Variants in QSOX2 observed in about 807,000 individuals in gnomAD.
QSOX2 encodes sulfhydryl oxidase 2.
A neutral mutation model predicts 61.7 loss-of-function variants in QSOX2; 46 were observed. The observed-to-expected ratio is 0.75, with a 90% CI of 0.59 to 0.95. The LOEUF (loss-of-function observed/expected upper bound fraction) is 0.95, where lower values mean the gene tolerates loss of function less well. QSOX2 is among the 40% of genes least tolerant of loss of function. QSOX2 has a pLI of 0.00. For synonymous variants in QSOX2, 383 were observed against 388.4 expected, an observed-to-expected ratio of 0.99 and a Z score of 0.16; for missense variants, 879 against 918.9, an observed-to-expected ratio of 0.96 and a Z score of 0.56.
At chr9:136,236,712 T>A (rs1406830618) in intron 1 of QSOX2, among the ~76,000 whole-genome samples, 1 of 151,572 alleles carries the variant, frequency 6.6e-6, no homozygotes, top group Non-Finnish European at 1.5e-5. Context: ...TGTGCCTGCG[T>A]CACGTGGAGC....
In QSOX2 at chr9:136,209,166, G is replaced by A. The variant is rs750002781; in HGVS notation, c.1659C>T (p.His553=). ...AGTGCTGCTTCAAGAATGTGAGCAC[G>A]TGGCCTTCATCCCAGCTGGCCAGGC... ...IKGLASWDEG[H]VLTFLKQHYG... Residue 553 remains histidine, a synonymous_variant, in exon 12 of 12, where the codon CAC becomes CAT. Coordinates refer to ENST00000358701, the MANE Select transcript of QSOX2 (RefSeq NM_181701.4). The surrounding 1 kb of genome is among the most constrained non-coding windows in gnomAD (Gnocchi z 5.6). 8.1e-6 allele frequency: 13 copies of A among 1,614,096 alleles called. No individual in the cohort carries two copies. The highest frequency in any genetic ancestry group is 8.0e-5 in the African/African-American group (6 of 74,940).
Position 136,223,868 on chromosome 9 carries a change from A to C in QSOX2, c.585-15T>G, listed in dbSNP as rs1010751495. 6.2e-7 allele frequency: 1 copy of C among 1,613,556 alleles called. No individual in the cohort carries two copies. Among genetic ancestry groups the C allele is most frequent in the African/African-American group, 1.3e-5 (1 of 75,010 alleles). The stretch of plus-strand genomic sequence containing the variant: ...CATCACTGGGCCTTTCAAGAGGAAA[A>C]AAAGAGGCTTTTAGTGCCGTCAACA... On this transcript the variant is annotated splice_polypyrimidine_tract_variant and intron_variant, in intron 4 of 11. Coordinates refer to ENST00000358701, the MANE Select transcript of QSOX2 (RefSeq NM_181701.4). This position sits in a 1 kb window ranked among gnomAD's most constrained non-coding sequence, Gnocchi z 4.4.
chr9:136,229,003 G>C (rs1830307035), intron 1 of QSOX2, among the ~76,000 whole-genome samples: 1 of 152,200 alleles, frequency 6.6e-6, no homozygotes, highest in Non-Finnish European at 1.5e-5. Flanking sequence ...GAAGGCTTGT[G>C]TGTGTTAGCG....
At chr9:136,213,981 C>CT (rs1352576320) in intron 10 of QSOX2, among the ~76,000 whole-genome samples, 1 of 152,176 alleles carries the variant, frequency 6.6e-6, no homozygotes, top group Non-Finnish European at 1.5e-5. Flanking sequence ...GTGGTGGCTG[C>CT]TTTAAGCCCC....
Position 136,210,754 on chromosome 9 carries a change from G to A in QSOX2, c.1549+510C>T, listed in dbSNP as rs956332721. The A allele has an allele frequency of 3.0e-6, 3 of 985,152 alleles. No homozygotes were observed. In the African/African-American group the frequency reaches 5.2e-5, roughly 17 times the overall value. The allele number at this position is 985,152 out of a possible 1,614,324, so 61.0% of individuals were successfully genotyped here. ...GATTTCTCAGTGGAATTATTTTTAA[G>A]CCTAATTTTAATCTGCCACTGATTT... is the stretch of plus-strand genomic sequence containing the variant. On this transcript the variant is annotated intron_variant, in intron 11 of 11. Transcript: ENST00000358701.
chr9:136,242,612 C>T (rs1279438602), intron 1 of QSOX2, among the ~76,000 whole-genome samples: 1 of 152,266 alleles, frequency 6.6e-6, no homozygotes, highest in African/African-American at 2.4e-5. Flanking sequence ...TGCACTGCCA[C>T]GGGCAATGGG....
intron 1 of QSOX2, among the ~76,000 whole-genome samples, chr9:136,237,975 G>A (rs1039103973): frequency 2.1e-4 from 32 of 152,344 alleles, no homozygotes; most frequent in African/African-American, 7.5e-4. Context: ...ACTGTCCTAT[G>A]GGGCAAGAAA....
chr9:136,209,118 G>A lies in QSOX2; in HGVS notation c.1707C>T (p.Asp569=), dbSNP rs769057569. 3.1e-6 allele frequency: 5 copies of A among 1,614,070 alleles called. No homozygotes were observed. In the African/African-American group the frequency reaches 4.0e-5, roughly 13 times the overall value. ...AATCCCCCTGGTCTGCGGAATACGT[G>A]TCTAAGAGGTTGTCGCGGCCATAGT... ...KQHYGRDNLL[D]TYSADQGDSS... Residue 569 remains aspartate (D), a synonymous_variant, in exon 12 of 12, where the codon GAC becomes GAT. Coordinates refer to ENST00000358701, the MANE Select transcript of QSOX2 (RefSeq NM_181701.4). This position sits in a 1 kb window ranked among gnomAD's most constrained non-coding sequence, Gnocchi z 5.6.
rs1407414502 is a variant in QSOX2, at chr9:136,209,789, A to T, written c.1550-514T>A. On this transcript the variant is annotated intron_variant, in intron 11 of 11. Coordinates refer to ENST00000358701, the MANE Select transcript of QSOX2 (RefSeq NM_181701.4). This position sits in a 1 kb window ranked among gnomAD's most constrained non-coding sequence, Gnocchi z 5.6. Reference sequence around the variant, plus strand: ...CTTCAGGAAAGGGCAGAGGGGCAGCAATGAATTTCCACTGCACTTCAGGTA... The same window carrying T: ...CTTCAGGAAAGGGCAGAGGGGCAGCTATGAATTTCCACTGCACTTCAGGTA... 1.0e-6 allele frequency: 1 copy of T among 985,196 alleles called. No homozygotes were observed. Among genetic ancestry groups the T allele is most frequent in the Non-Finnish European group, 1.2e-6 (1 of 829,862 alleles). The allele number at this position is 985,196 out of a possible 1,614,324, so 61.0% of individuals were successfully genotyped here. A position where few individuals can be genotyped will look rare whatever the true frequency, so the allele number is the denominator to read the frequency against.
rs1157859685 is a variant in QSOX2 at position 136,221,499 on chromosome 9, C to G, written c.821+297G>C. On this transcript the variant is annotated intron_variant, in intron 6 of 11. Coordinates refer to ENST00000358701, the MANE Select transcript of QSOX2 (RefSeq NM_181701.4). This position sits in a 1 kb window ranked among gnomAD's most constrained non-coding sequence, Gnocchi z 4.5. ...GGCTGCTCCCAAAGCCCCGGCCCAGCAGCCCTCATGCATGTGCTGGTTTAG... is the reference window on the plus strand; with the variant it reads ...GGCTGCTCCCAAAGCCCCGGCCCAGGAGCCCTCATGCATGTGCTGGTTTAG... Among the ~76,000 whole-genome samples, 1 of 152,254 alleles carries G rather than the reference C, an allele frequency of 6.6e-6. No homozygotes were observed. The highest frequency in any genetic ancestry group is 1.5e-5 in the Non-Finnish European group (1 of 68,048).
At chr9:136,241,404 C>T (rs1393003403) in intron 1 of QSOX2, among the ~76,000 whole-genome samples, 1 of 152,204 alleles carries the variant, frequency 6.6e-6, no homozygotes, top group Non-Finnish European at 1.5e-5. Flanking sequence ...GTGGGGAACA[C>T]CAAGTTCTAA....
chr9:136,235,128 G>A (rs1564297144), intron 1 of QSOX2, among the ~76,000 whole-genome samples: 1 of 152,252 alleles, frequency 6.6e-6, no homozygotes, highest in East Asian at 1.9e-4. Flanking sequence ...ATTGGGGCAA[G>A]TAACAATCTC....
intron 1 of QSOX2, 92 bp downstream of exon 1, chr9:136,245,384 C>A: frequency 1.8e-6 from 2 of 1,085,234 alleles, no homozygotes; most frequent in South Asian, 1.5e-5. Flanking sequence ...GGGGGAGGGG[C>A]CCCGGGACCC....
intron 2 of QSOX2, among the ~76,000 whole-genome samples, chr9:136,225,301 G>A (rs1398453923): frequency 2.6e-5 from 4 of 152,234 alleles, no homozygotes; most frequent in East Asian, 3.8e-4. Flanking sequence ...GAGACACCAC[G>A]CAGTATCTCT....
intron 3 of QSOX2, 49 bp downstream of exon 3, chr9:136,224,812 G>A (rs756954328): frequency 2.1e-5 from 29 of 1,367,912 alleles, no homozygotes; most frequent in Non-Finnish European, 2.8e-5. Context: ...TCTTTAGCAG[G>A]TTTATGAGGG....
chr9:136,219,522 C>T (rs540147065), intron 6 of QSOX2, among the ~76,000 whole-genome samples: 26 of 152,312 alleles, frequency 1.7e-4, no homozygotes, highest in African/African-American at 6.0e-4. Context: ...CCTTCACCGA[C>T]GCGCCCACAA....
rs751749579 is a variant in QSOX2 at position 136,224,025 on chromosome 9, G to A, written c.566C>T (p.Pro189Leu). 11 of 1,613,764 alleles carry A rather than the reference G, an allele frequency of 6.8e-6. No individual in the cohort carries two copies. Among genetic ancestry groups the A allele is most frequent in the Middle Eastern group, 1.6e-4 (1 of 6,082 alleles). The part of the protein sequence containing the change: ...HTEGSRPPAC[P>L]RLDPIQPSDV... ...TACTCACTGAATGGGGTCTAGGCGC[G>A]GGCAGGCAGGGGGCCGGCTTCCTTC... Residue 189 changes from proline to leucine, a missense_variant, in exon 4 of 12, where the codon CCG (proline) becomes CTG (leucine). Physicochemically the swap from Pro to Leu is moderately conservative, Grantham distance 98. Coordinates refer to ENST00000358701, the MANE Select transcript of QSOX2 (RefSeq NM_181701.4).
Position 136,216,612 on chromosome 9 carries a change from G to A in QSOX2, c.1197C>T (p.Asn399=), listed in dbSNP as rs372287767. 6.2e-7 allele frequency: 1 copy of A among 1,613,882 alleles called. No individual in the cohort carries two copies. Among genetic ancestry groups the A allele is most frequent in the African/African-American group, 1.3e-5 (1 of 75,048 alleles). The change falls in exon 9 of 12, where the codon AAC becomes AAT. Residue 399 remains asparagine, a synonymous_variant. Coordinates refer to ENST00000358701, the MANE Select transcript of QSOX2 (RefSeq NM_181701.4). ...IPYNAVLDLV[N]NKMRISGIFL... ...TTCTGGGGCTCACCCGCATCTTGTT[G>A]TTGACCAGGTCAAGCACGGCGTTGT... is the stretch of plus-strand genomic sequence containing the variant.
At chr9:136,226,632 G>T in intron 2 of QSOX2, 142 bp downstream of exon 2, 1 of 749,472 alleles carries the variant, frequency 1.3e-6, no homozygotes, top group East Asian at 2.5e-5. Flanking sequence ...TTCCTACGAA[G>T]TTCCAAGGAG....
Sources: allele counts gnomAD v4.1 joint callset (sites outside exome capture counted in the v4.1 genomes callset), GRCh38; gene constraint gnomAD v4.1.1; non-coding constraint Gnocchi (gnomAD v3.1); transcripts MANE v1.5; gene names NCBI Gene and HGNC (gene_info 2026-07-23, HGNC 2026-07-21).